The following AK9 variants were observed in gnomAD, a reference collection of about 807,000 sequenced individuals.
AK9 encodes the protein adenylate kinase domain containing 1.
Under a neutral mutation model 239.6 loss-of-function variants are expected in AK9, and 191 were observed. The ratio of observed to expected loss-of-function variants is 0.80; its 90% CI spans 0.71 to 0.90. The LOEUF is 0.90. Ranked by LOEUF, AK9 falls within the 40% of genes least tolerant of loss-of-function variation. The probability of loss-of-function intolerance (pLI) is 0.00; values close to 1 mark genes in which losing one functional copy is unlikely to be tolerated. For missense variants in AK9, 1,995 were observed against 2,214.7 expected (o/e 0.90, Z 1.99); for synonymous variants, 689 against 721.0 (o/e 0.96, Z 0.71).
chr6:109,571,847 A>G (rs1787448891), intron 21 of AK9, among the ~76,000 whole-genome samples: 1 of 152,192 alleles, frequency 6.6e-6, no homozygotes, highest in South Asian at 2.1e-4. Flanking sequence ...TTTCCATGAT[A>G]TAAGGAATAA....
chr6:109,671,539 C>A (rs1420230336), intron 5 of AK9, among the ~76,000 whole-genome samples: 1 of 152,208 alleles, frequency 6.6e-6, no homozygotes, highest in East Asian at 1.9e-4. Context: ...CCACTTCCCA[C>A]TCCCGCCTTC....
intron 8 of AK9, among the ~76,000 whole-genome samples, chr6:109,649,734 C>A (rs886925362): frequency 2.0e-5 from 3 of 152,124 alleles, no homozygotes; most frequent in Admixed American, 2.0e-4. Flanking sequence ...GAAAAAACTA[C>A]TTTAAAGTTC....
intron 17 of AK9, among the ~76,000 whole-genome samples, chr6:109,599,023 T>C (rs1183994592): frequency 1.3e-5 from 2 of 152,214 alleles, no homozygotes; most frequent in East Asian, 3.8e-4. Flanking sequence ...ATTCTGTAGG[T>C]TGCCTGTTCA....
intron 8 of AK9, among the ~76,000 whole-genome samples, chr6:109,651,947 G>C (rs1031764687): frequency 5.9e-5 from 9 of 152,036 alleles, no homozygotes; most frequent in African/African-American, 2.2e-4. Context: ...AGGACCTGAC[G>C]GATTCACAGC....
At chr6:109,581,233 C>A (rs1041696399) in intron 19 of AK9, among the ~76,000 whole-genome samples, 1 of 151,988 alleles carries the variant, frequency 6.6e-6, no homozygotes, top group African/African-American at 2.4e-5. Context: ...TGGCCTCCAG[C>A]TTTTTAAGTG....
intron 1 of AK9, among the ~76,000 whole-genome samples, chr6:109,677,706 GT>G (rs1235953790): frequency 6.6e-6 from 1 of 152,048 alleles, no homozygotes; most frequent in Non-Finnish European, 1.5e-5. Flanking sequence ...TTTTCACTGA[GT>G]TTAAAAAAGT....
intron 1 of AK9, among the ~76,000 whole-genome samples, chr6:109,678,158 C>G (rs1429714667): frequency 6.6e-6 from 1 of 152,138 alleles, no homozygotes; most frequent in East Asian, 1.9e-4. Context: ...CTGAAAACAA[C>G]CCAGATGTTC....
intron 1 of AK9, among the ~76,000 whole-genome samples, chr6:109,683,557 G>C (rs1293367491): frequency 1.3e-5 from 2 of 152,148 alleles, no homozygotes; most frequent in Non-Finnish European, 2.9e-5. Flanking sequence ...AAAGTCTCAG[G>C]ATACAAAATC....
chr6:109,682,303 T>C (rs1453897697), intron 1 of AK9, among the ~76,000 whole-genome samples: 1 of 151,586 alleles, frequency 6.6e-6, no homozygotes, highest in Non-Finnish European at 1.5e-5. Flanking sequence ...GGCGGGTGCC[T>C]GTAGTCCCAG....
intron 1 of AK9, among the ~76,000 whole-genome samples, chr6:109,682,210 G>A (rs1772753049): frequency 6.6e-6 from 1 of 152,096 alleles, no homozygotes; most frequent in African/African-American, 2.4e-5. Flanking sequence ...CGGATCACAA[G>A]GTCAGGAGAT....
At chr6:109,686,448 C>T (rs888917798) in intron 1 of AK9, among the ~76,000 whole-genome samples, 5 of 152,118 alleles carry the variant, frequency 3.3e-5, no homozygotes, top group South Asian at 2.1e-4. Context: ...GAGCATAAAG[C>T]GCACTAAAGA....
At position 109,509,286 on chromosome 6, in the gene AK9, C is replaced by T. The variant is rs779261438; in HGVS notation, c.4374G>A (p.Leu1458=). ...YVLNNHPETE[L]ALMLNWHLHK... Reference sequence around the variant, plus strand: ...GAAGATGCCAATTTAACATAAGTGCCAGCTCTGTTTCCGGGTGATTGTTTA... The same window carrying T: ...GAAGATGCCAATTTAACATAAGTGCTAGCTCTGTTTCCGGGTGATTGTTTA... Residue 1458 remains leucine (L), a synonymous_variant, in exon 33 of 41, where the codon CTG becomes CTA. Coordinates refer to ENST00000424296, the MANE Select transcript of AK9 (RefSeq NM_001145128.3). The T allele has an allele frequency of 4.3e-5, 67 of 1,551,720 alleles. No homozygotes were observed. Among genetic ancestry groups the T allele is most frequent in the Non-Finnish European group, 5.5e-5 (63 of 1,147,028 alleles).
At chr6:109,682,555 G>C (rs1772835179) in intron 1 of AK9, among the ~76,000 whole-genome samples, 1 of 151,726 alleles carries the variant, frequency 6.6e-6, no homozygotes. Context: ...AATAAAAAAT[G>C]ATATAGGGGA....
intron 27 of AK9, among the ~76,000 whole-genome samples, chr6:109,535,054 T>C (rs577562498): frequency 2.6e-5 from 4 of 152,324 alleles, no homozygotes; most frequent in East Asian, 3.9e-4. Context: ...TGAATAGTGC[T>C]GCAATAAACA....
chr6:109,650,825 C>G (rs1482466405), intron 8 of AK9, among the ~76,000 whole-genome samples: 11 of 152,148 alleles, frequency 7.2e-5, no homozygotes, highest in East Asian at 1.9e-4. Flanking sequence ...AGACTTGGAA[C>G]CAACCCAAAT....
chr6:109,649,786 A>C (rs561809248), intron 8 of AK9, among the ~76,000 whole-genome samples: 1 of 152,350 alleles, frequency 6.6e-6, no homozygotes, highest in South Asian at 2.1e-4. Flanking sequence ...AGGCAATCCT[A>C]AGCCAAAAGA....
intron 5 of AK9, among the ~76,000 whole-genome samples, chr6:109,669,455 C>T (rs1019487841): frequency 2.0e-5 from 3 of 152,040 alleles, no homozygotes; most frequent in African/African-American, 2.4e-5. Flanking sequence ...GAGGGCATCC[C>T]TGTCTTGTGC....
chr6:109,594,795 C>A (rs184181455), intron 17 of AK9, among the ~76,000 whole-genome samples: 254 of 152,282 alleles, frequency 1.7e-3, no homozygotes, highest in Non-Finnish European at 3.1e-3. Context: ...GTTGGGAAAA[C>A]TGGTGAGCCA....
At chr6:109,566,368 C>T (rs987115001) in intron 21 of AK9, among the ~76,000 whole-genome samples, 4 of 151,994 alleles carry the variant, frequency 2.6e-5, no homozygotes, top group East Asian at 1.9e-4. Flanking sequence ...AAAACAAAAT[C>T]GACGAAGCAA....
Sources: gnomAD v4.1 joint callset for allele counts (sites outside exome capture counted in the v4.1 genomes callset) on GRCh38, gnomAD v4.1.1 for gene constraint, MANE v1.5 for transcripts, NCBI Gene and HGNC (gene_info 2026-07-23, HGNC 2026-07-21) for gene names.